Variants in LRP1B observed in about 807,000 individuals in gnomAD.
LRP1B encodes the protein LDL receptor related protein 1B.
LRP1B carries 217 observed loss-of-function variants against 556.6 expected under a neutral mutation model. The observed-to-expected ratio is 0.39, with a 90% confidence interval of 0.35 to 0.44. The LOEUF (loss-of-function observed/expected upper bound fraction) is 0.44, where lower values mean the gene tolerates loss of function less well. LRP1B is among the 20% of genes least tolerant of loss of function. LRP1B has a pLI of 1.00. For synonymous variants in LRP1B, 2,047 were observed against 1,865.8 expected (o/e 1.10, Z -2.50); for missense variants, 5,053 against 5,620.8 (o/e 0.90, Z 3.23).
chr2:141,660,243 C>T (rs1165125459), intron 2 of LRP1B, among the ~76,000 whole-genome samples: 1 of 152,148 alleles, frequency 6.6e-6, no homozygotes, highest in Non-Finnish European at 1.5e-5. Flanking sequence ...CTCCCACCCC[C>T]AGCCAAGGGA....
intron 43 of LRP1B, among the ~76,000 whole-genome samples, chr2:140,584,507 A>G (rs1469952747): frequency 6.6e-6 from 1 of 152,120 alleles, no homozygotes; most frequent in East Asian, 1.9e-4. Context: ...GCCTTTTGAT[A>G]AATTCTATCT....
In LRP1B at chr2:141,268,956, G is replaced by A. The variant is rs902734675; in HGVS notation, c.344-14315C>T. 5.3e-5 allele frequency among the ~76,000 whole-genome samples: 8 copies of A among 152,118 alleles called. No individual in the cohort carries two copies. The South Asian group carries it at 1.7e-3, about 32-fold the overall frequency. ...TTCCAAGCCAAAAGAGGCAAGCCAA[G>A]AAGACCAAAGTCAACCACTCATACT... On this transcript the variant is annotated intron_variant, in intron 3 of 90. Transcript: ENST00000389484.
intron 1 of LRP1B, among the ~76,000 whole-genome samples, chr2:141,829,604 G>A (rs1697046618): frequency 4.6e-5 from 7 of 151,948 alleles, no homozygotes; most frequent in Admixed American, 3.3e-4. Context: ...ATGGATAAGT[G>A]GCAAGTTTGA....
At chr2:140,437,007 C>T (rs1686212670) in intron 66 of LRP1B, among the ~76,000 whole-genome samples, 1 of 152,088 alleles carries the variant, frequency 6.6e-6, no homozygotes, top group South Asian at 2.1e-4. Context: ...CTCACAGGAC[C>T]TGGGAGGTTT....
chr2:140,456,948 C>A (rs758479617), intron 61 of LRP1B, among the ~76,000 whole-genome samples: 6 of 152,022 alleles, frequency 3.9e-5, no homozygotes, highest in Non-Finnish European at 4.4e-5. Flanking sequence ...AACAATGAAA[C>A]AATGATCTAC....
At chr2:140,937,610 T>A (rs1220251765) in intron 20 of LRP1B, among the ~76,000 whole-genome samples, 1 of 152,130 alleles carries the variant, frequency 6.6e-6, no homozygotes, top group Non-Finnish European at 1.5e-5. Flanking sequence ...TTTTGTGCTA[T>A]GAGTATTTTA....
intron 3 of LRP1B, among the ~76,000 whole-genome samples, chr2:141,425,639 G>A (rs1464190669): frequency 6.7e-6 from 1 of 150,200 alleles, no homozygotes; most frequent in Non-Finnish European, 1.5e-5. Context: ...GTATCTCACT[G>A]TGGTTTTGAT....
intron 3 of LRP1B, among the ~76,000 whole-genome samples, chr2:141,308,222 T>C (rs1263832680): frequency 1.3e-5 from 2 of 152,176 alleles, no homozygotes; most frequent in African/African-American, 4.8e-5. Flanking sequence ...ACTTGAAATT[T>C]GGGCTACTGG....
intron 57 of LRP1B, among the ~76,000 whole-genome samples, chr2:140,489,250 C>T (rs1688601644): frequency 6.6e-6 from 1 of 151,868 alleles, no homozygotes; most frequent in African/African-American, 2.4e-5. Flanking sequence ...TCTTGAGGTC[C>T]AGATTACAAA....
intron 2 of LRP1B, among the ~76,000 whole-genome samples, chr2:141,733,740 G>A (rs1054228547): frequency 1.3e-5 from 2 of 152,018 alleles, no homozygotes; most frequent in African/African-American, 4.8e-5. Flanking sequence ...TTGAGAGTAC[G>A]GTTCCTACTG....
rs1553520856 is a variant in LRP1B at position 141,490,382 on chromosome 2, T to TGC, written c.206-9850_206-9849insGC. On this transcript the variant is annotated intron_variant, in intron 2 of 90. Transcript: ENST00000389484. ...GTTAAAATAGCCTCGTGTGTGTGTG[T>TGC]GTGTGTGTGTGTGTGTGTTTTCTGC... is the stretch of plus-strand genomic sequence containing the variant. 1.1e-4 allele frequency among the ~76,000 whole-genome samples: 17 copies of TGC among 150,058 alleles called. No individual in the cohort carries two copies. The South Asian group carries it at 1.5e-3, about 13-fold the overall frequency.
Position 140,297,836 on chromosome 2 carries a change from C to T in LRP1B, c.12939G>A (p.Pro4313=), listed in dbSNP as rs369634559. 1.8e-5 allele frequency: 29 copies of T among 1,613,506 alleles called. No individual in the cohort carries two copies. Among genetic ancestry groups the T allele is most frequent in the Non-Finnish European group, 2.3e-5 (27 of 1,179,820 alleles). ...ACTGACATCTGTCTCCGGTGTATTC[C>T]GGCTGGCAGTGGCAGTAAGGCTGGT... ...AGNQPYCHCQ[P]EYTGDRCQYY... The change falls in exon 84 of 91, where the codon CCG becomes CCA. Residue 4313 remains proline, a synonymous_variant. Coordinates refer to ENST00000389484, the MANE Select transcript of LRP1B (RefSeq NM_018557.3).
At chr2:141,098,844 A>G (rs1700388479) in intron 7 of LRP1B, among the ~76,000 whole-genome samples, 1 of 152,188 alleles carries the variant, frequency 6.6e-6, no homozygotes, top group Non-Finnish European at 1.5e-5. Flanking sequence ...TTTAGTAGAT[A>G]TGGAGTTTCT....
intron 5 of LRP1B, 40 bp downstream of exon 5, chr2:141,247,186 G>A (rs757120216): frequency 2.5e-6 from 4 of 1,610,648 alleles, no homozygotes; most frequent in Non-Finnish European, 3.4e-6. Context: ...AAGGAAACAA[G>A]TAATTCTGGA....
At chr2:140,672,773 A>T (rs897919059) in intron 41 of LRP1B, among the ~76,000 whole-genome samples, 2 of 152,144 alleles carry the variant, frequency 1.3e-5, no homozygotes, top group Non-Finnish European at 1.5e-5. Flanking sequence ...TTCTGCTGTT[A>T]TAATATTCTC....
At chr2:141,140,981 G>A (rs959103732) in intron 7 of LRP1B, among the ~76,000 whole-genome samples, 2 of 152,024 alleles carry the variant, frequency 1.3e-5, no homozygotes, top group Admixed American at 6.6e-5. Context: ...CGAGGTAGAG[G>A]GTGGAGAGCA....
At chr2:141,617,750 T>A (rs1688361043) in intron 2 of LRP1B, among the ~76,000 whole-genome samples, 1 of 152,194 alleles carries the variant, frequency 6.6e-6, no homozygotes, top group South Asian at 2.1e-4. Context: ...AATACCAAGT[T>A]TACTTTTTGT....
intron 35 of LRP1B, among the ~76,000 whole-genome samples, chr2:140,738,231 C>T (rs896768372): frequency 6.6e-6 from 1 of 152,084 alleles, no homozygotes; most frequent in Non-Finnish European, 1.5e-5. Flanking sequence ...GATGATGACC[C>T]TGTATCCAGT....
At chr2:140,878,980 C>A (rs1693390021) in intron 25 of LRP1B, among the ~76,000 whole-genome samples, 1 of 114,310 alleles carries the variant, frequency 8.7e-6, no homozygotes, top group Non-Finnish European at 1.8e-5. Context: ...CAGAGCAAAA[C>A]TCTGTTTCCA....
Sources: gnomAD v4.1 joint callset for allele counts (sites outside exome capture counted in the v4.1 genomes callset) on GRCh38, gnomAD v4.1.1 for gene constraint, MANE v1.5 for transcripts, NCBI Gene and HGNC (gene_info 2026-07-23, HGNC 2026-07-21) for gene names.